The following SKP2 variants were observed in gnomAD, a reference collection of about 807,000 sequenced individuals.
SKP2 encodes S-phase kinase-associated protein 2.
Under a neutral mutation model 51.8 loss-of-function variants are expected in SKP2, and 16 were observed. That is an observed-to-expected ratio of 0.31 (90% confidence interval 0.21 to 0.47). The LOEUF is 0.47. SKP2 is among the 20% of genes least tolerant of loss of function. The pLI, the probability that SKP2 is intolerant of heterozygous loss-of-function variation, is 1.00. For missense variants in SKP2, 377 were observed against 505.3 expected, an observed-to-expected ratio of 0.75 and a Z score of 2.43; for synonymous variants, 176 against 198.6, an observed-to-expected ratio of 0.89 and a Z score of 0.96.
At chr5:36,165,609 T>A (rs1005723025) in intron 3 of SKP2, among the ~76,000 whole-genome samples, 1 of 152,216 alleles carries the variant, frequency 6.6e-6, no homozygotes, top group African/African-American at 2.4e-5. Context: ...AAGGATATCT[T>A]ATCTACAGTC....
Position 36,163,189 on chromosome 5 carries a change from A to G in SKP2, c.281-456A>G, listed in dbSNP as rs369111104. Reference sequence around the variant, plus strand: ...ACTACTGAGTCCACATCAGAGAGAAACAAGGCCTTCCTTTGCACCCAGAAG... The same window carrying G: ...ACTACTGAGTCCACATCAGAGAGAAGCAAGGCCTTCCTTTGCACCCAGAAG... On this transcript the variant is annotated intron_variant, in intron 2 of 9. Coordinates refer to ENST00000274255, the MANE Select transcript of SKP2 (RefSeq NM_005983.4). Among the ~76,000 whole-genome samples the G allele has an allele frequency of 4.6e-5, 7 of 152,310 alleles. No homozygotes were observed. In the South Asian group the frequency reaches 8.3e-4, roughly 18 times the overall value.
chr5:36,169,074 TGAG>T (rs1745384876), intron 5 of SKP2, among the ~76,000 whole-genome samples: 1 of 152,082 alleles, frequency 6.6e-6, no homozygotes, highest in Non-Finnish European at 1.5e-5. Flanking sequence ...AGTGACAAGG[TGAG>T]GAGAGTCAGG....
At chr5:36,168,002 C>T (rs573112013) in intron 4 of SKP2, among the ~76,000 whole-genome samples, 5 of 152,248 alleles carry the variant, frequency 3.3e-5, no homozygotes, top group South Asian at 2.1e-4. Context: ...AACCAGGAGC[C>T]GTTATGGTCT....
intron 7 of SKP2, among the ~76,000 whole-genome samples, chr5:36,176,644 T>C (rs1225326643): frequency 2.0e-5 from 3 of 151,962 alleles, no homozygotes; most frequent in African/African-American, 7.2e-5. Flanking sequence ...TGTTTGCTTA[T>C]ATATACTGGT....
At chr5:36,179,956 G>T in intron 9 of SKP2, among the ~76,000 whole-genome samples, 1 of 150,992 alleles carries the variant, frequency 6.6e-6, no homozygotes, top group Non-Finnish European at 1.5e-5. Context: ...AGACTTTCTG[G>T]ATTTTTGACT....
At chr5:36,162,888 C>A (rs1481486284) in intron 2 of SKP2, among the ~76,000 whole-genome samples, 2 of 152,206 alleles carry the variant, frequency 1.3e-5, no homozygotes, top group Admixed American at 1.3e-4. Flanking sequence ...AAACGTCCTT[C>A]TCCACATGGC....
intron 6 of SKP2, among the ~76,000 whole-genome samples, chr5:36,171,171 C>T (rs1469754103): frequency 6.6e-6 from 1 of 152,168 alleles, no homozygotes. Context: ...TTAGCAGAAG[C>T]ACAGTAAGAC....
chr5:36,175,937 T>G (rs890155982), intron 7 of SKP2, among the ~76,000 whole-genome samples: 2 of 151,830 alleles, frequency 1.3e-5, no homozygotes, highest in Admixed American at 1.3e-4. Flanking sequence ...TGTATAATTC[T>G]CTGAATTCTT....
downstream of SKP2, among the ~76,000 whole-genome samples, chr5:36,186,514 T>TA (rs1207833417): frequency 6.6e-6 from 1 of 152,228 alleles, no homozygotes; most frequent in Non-Finnish European, 1.5e-5. Flanking sequence ...CATGTGGTTT[T>TA]TGTTGTTGGT....
downstream of SKP2, among the ~76,000 whole-genome samples, chr5:36,186,359 TG>T (rs1418680147): frequency 6.6e-6 from 1 of 152,230 alleles, no homozygotes; most frequent in African/African-American, 2.4e-5. Context: ...TTCCAGTTTT[TG>T]CCCATTCAGT....
In SKP2 at chr5:36,182,015, A is replaced by G. The variant is rs748084252; in HGVS notation, c.1259A>G (p.Lys420Arg). 7.4e-6 allele frequency: 12 copies of G among 1,614,138 alleles called. No homozygotes were observed. Among genetic ancestry groups the G allele is most frequent in the Non-Finnish European group, 1.0e-5 (12 of 1,179,994 alleles). Reference sequence around the variant, plus strand: ...ATCAAATGCCGACTGACACTGCAAAAGCCCAGTTGTCTATGAAGTATTTAT... The same window carrying G: ...ATCAAATGCCGACTGACACTGCAAAGGCCCAGTTGTCTATGAAGTATTTAT... ...WGIKCRLTLQ[K>R]PSCL The change falls in exon 10 of 10, where the codon AAG becomes AGG. Residue 420 changes from lysine to arginine, a missense_variant. Physicochemically the swap from Lys to Arg is conservative, Grantham distance 26. Transcript: ENST00000274255.
At chr5:36,163,000 G>A (rs930596960) in intron 2 of SKP2, among the ~76,000 whole-genome samples, 6 of 152,106 alleles carry the variant, frequency 3.9e-5, no homozygotes, top group Admixed American at 2.0e-4. Context: ...TTACAGGGGC[G>A]GTTATCACCA....
chr5:36,162,546 G>A (rs79522513), intron 2 of SKP2, among the ~76,000 whole-genome samples: 6,098 of 152,218 alleles, frequency 0.04, 225 homozygotes, highest in East Asian at 0.16. Flanking sequence ...GTGATTATCT[G>A]TTCCGCATTA....
At chr5:36,171,492 C>T in intron 6 of SKP2, 111 bp from the exon 7 acceptor site, 2 of 988,218 alleles carry the variant, frequency 2.0e-6, no homozygotes, top group South Asian at 1.5e-5. Flanking sequence ...GTGTTCTGTG[C>T]ATGAAATGAT....
chr5:36,155,686 A>G (rs940203915), intron 2 of SKP2, among the ~76,000 whole-genome samples: 3 of 152,196 alleles, frequency 2.0e-5, no homozygotes, highest in African/African-American at 7.2e-5. Flanking sequence ...ATGTAGCCCT[A>G]ACAATCTGGT....
intron 2 of SKP2, among the ~76,000 whole-genome samples, chr5:36,160,489 A>G (rs955221311): frequency 6.6e-6 from 1 of 152,178 alleles, no homozygotes; most frequent in Non-Finnish European, 1.5e-5. Flanking sequence ...AACTCAGAGT[A>G]GAATAAGGGT....
rs1446278007 is a variant in SKP2 at position 36,152,761 on chromosome 5, A to T, written c.9-10A>T. 1 of 1,611,426 alleles carries T rather than the reference A, an allele frequency of 6.2e-7. No homozygotes were observed. The highest frequency in any genetic ancestry group is 1.7e-5 in the Admixed American group (1 of 59,884). Reference sequence around the variant, plus strand: ...TCGAAAGGAACCGGGGGTATTGTGCACTTCTGCAGGAAGCACCTCCAGGAG... The same window carrying T: ...TCGAAAGGAACCGGGGGTATTGTGCTCTTCTGCAGGAAGCACCTCCAGGAG... On this transcript the variant is annotated splice_polypyrimidine_tract_variant and intron_variant, in intron 1 of 9. Transcript: ENST00000274255.
At chr5:36,186,677 T>C (rs1380520400), downstream of SKP2, among the ~76,000 whole-genome samples, 1 of 137,418 alleles carries the variant, frequency 7.3e-6, no homozygotes, top group Non-Finnish European at 1.6e-5. Flanking sequence ...TTTGCATTGG[T>C]ATTCATCAAG....
chr5:36,152,201 C>T lies in SKP2; in HGVS notation c.-62C>T, dbSNP rs1242819190. The T allele has an allele frequency of 1.9e-6, 3 of 1,597,088 alleles. No individual in the cohort carries two copies. Among genetic ancestry groups the T allele is most frequent in the African/African-American group, 2.7e-5 (2 of 74,552 alleles). On this transcript the variant is annotated 5_prime_UTR_variant, in exon 1 of 10. Coordinates refer to ENST00000274255, the MANE Select transcript of SKP2 (RefSeq NM_005983.4). ...AGCCGCCGCGCGCCAAAGCGGGAATCTGGGAGGCGAGCAGCTCTGCAGTTA... is the reference window on the plus strand; with the variant it reads ...AGCCGCCGCGCGCCAAAGCGGGAATTTGGGAGGCGAGCAGCTCTGCAGTTA...
Sources: gnomAD v4.1 joint callset for allele counts (sites outside exome capture counted in the v4.1 genomes callset) on GRCh38, gnomAD v4.1.1 for gene constraint, MANE v1.5 for transcripts, NCBI Gene and HGNC (gene_info 2026-07-23, HGNC 2026-07-21) for gene names.